The following NDC1 variants were observed in gnomAD, a reference collection of about 807,000 sequenced individuals.
NDC1 encodes the protein NDC1 transmembrane nucleoporin, also known as nucleoporin NDC1.
In NDC1, 24 loss-of-function variants were observed where a neutral mutation model predicts 89.8. The ratio of observed to expected loss-of-function variants is 0.27; its 90% CI spans 0.19 to 0.38. NDC1 has a LOEUF of 0.38. Among genes scored for constraint, NDC1 ranks in the 10% least tolerant of loss-of-function variants. The pLI, the probability that NDC1 is intolerant of heterozygous loss-of-function variation, is 1.00. For missense variants in NDC1, 728 were observed against 797.6 expected, an observed-to-expected ratio of 0.91 and a Z score of 1.05; for synonymous variants, 296 against 284.8, an observed-to-expected ratio of 1.04 and a Z score of -0.39.
intron 2 of NDC1, among the ~76,000 whole-genome samples, chr1:53,834,142 G>C (rs1347230388): frequency 6.6e-6 from 1 of 152,242 alleles, no homozygotes; most frequent in Admixed American, 6.5e-5. Context: ...CCAAGCTTCT[G>C]ATGAGGAAAA....
At chr1:53,776,439 G>T (rs1647164057) in intron 16 of NDC1, among the ~76,000 whole-genome samples, 1 of 152,048 alleles carries the variant, frequency 6.6e-6, no homozygotes, top group South Asian at 2.1e-4. Flanking sequence ...ATGTAAAAAT[G>T]GATATAAAAG....
chr1:53,765,609 T>G lies in NDC1; in HGVS notation c.*2361A>C, dbSNP rs1647059128. 6.6e-6 allele frequency: 1 copy of G among 152,162 alleles called. No individual in the cohort carries two copies. The highest frequency in any genetic ancestry group is 2.4e-5 in the African/African-American group (1 of 41,448). The allele number at this position is 152,162 out of a possible 1,614,324, so 9.4% of individuals were successfully genotyped here. ...TTACCAAGGAACAAATCCTGCAAAGTAACAAATTGTTGCTTATCCATGTCC... is the reference window on the plus strand; with the variant it reads ...TTACCAAGGAACAAATCCTGCAAAGGAACAAATTGTTGCTTATCCATGTCC... On this transcript the variant is annotated 3_prime_UTR_variant, in exon 18 of 18. Transcript: ENST00000371429.
intron 16 of NDC1, among the ~76,000 whole-genome samples, chr1:53,778,001 T>C (rs2100624934): frequency 6.6e-6 from 1 of 151,942 alleles, no homozygotes; most frequent in Non-Finnish European, 1.5e-5. Flanking sequence ...GCCCGGAGAA[T>C]CTTTTTTTTT....
chr1:53,826,392 T>C (rs1648864158), intron 4 of NDC1, among the ~76,000 whole-genome samples: 1 of 152,210 alleles, frequency 6.6e-6, no homozygotes, highest in African/African-American at 2.4e-5. Flanking sequence ...TTAAAGCAGA[T>C]AGAGTCCCAT....
intron 11 of NDC1, among the ~76,000 whole-genome samples, chr1:53,797,910 AG>A (rs1381715685): frequency 2.0e-5 from 3 of 152,128 alleles, no homozygotes; most frequent in Non-Finnish European, 4.4e-5. Flanking sequence ...TATAGGCATG[AG>A]CCACCACACC....
At chr1:53,770,123 A>G (rs1342517958) in intron 17 of NDC1, among the ~76,000 whole-genome samples, 1 of 152,174 alleles carries the variant, frequency 6.6e-6, no homozygotes, top group Admixed American at 6.5e-5. Context: ...TGGCACATAT[A>G]TAAAATATGG....
rs1054897293 is a variant in NDC1, at chr1:53,838,197, G to A, written c.57+8C>T. On this transcript the variant is annotated splice_region_variant and intron_variant, in intron 1 of 17. Coordinates refer to ENST00000371429, the MANE Select transcript of NDC1 (RefSeq NM_018087.5). ...GGCAGTGCGTGCCACAGTGCACGCC[G>A]CACTCACGCGCCACAGTATGTCCCG... The A allele has an allele frequency of 9.6e-5, 147 of 1,533,748 alleles. No homozygotes were observed. The highest frequency in any genetic ancestry group is 1.2e-4 in the Non-Finnish European group (142 of 1,145,568).
intron 10 of NDC1, among the ~76,000 whole-genome samples, chr1:53,801,089 C>T (rs1199057393): frequency 9.8e-6 from 1 of 101,656 alleles, no homozygotes; most frequent in East Asian, 2.9e-4. Flanking sequence ...ACACACATAC[C>T]AAAAAAAAAA....
chr1:53,830,830 C>G (rs1487726957), intron 3 of NDC1, among the ~76,000 whole-genome samples: 1 of 151,820 alleles, frequency 6.6e-6, no homozygotes, highest in Non-Finnish European at 1.5e-5. Flanking sequence ...CCATTGCACT[C>G]CAGCCTGGGC....
At position 53,793,222 on chromosome 1, in the gene NDC1, T is replaced by C. The variant is rs780949474; in HGVS notation, c.1635+7A>G. On this transcript the variant is annotated splice_region_variant and intron_variant, in intron 14 of 17. Transcript: ENST00000371429. ...CCATTCCCAACGCTATAACCACATATTCTTACCTTACTGAAAAAATACATT... is the reference window on the plus strand; with the variant it reads ...CCATTCCCAACGCTATAACCACATACTCTTACCTTACTGAAAAAATACATT... 1 of 1,605,808 alleles carries C rather than the reference T, an allele frequency of 6.2e-7. No individual in the cohort carries two copies. Among genetic ancestry groups the C allele is most frequent in the Middle Eastern group, 1.6e-4 (1 of 6,066 alleles).
chr1:53,772,325 T>G lies in NDC1; in HGVS notation c.1961+4A>C. 3.1e-6 allele frequency: 5 copies of G among 1,613,042 alleles called. No individual in the cohort carries two copies. Among genetic ancestry groups the G allele is most frequent in the Non-Finnish European group, 4.2e-6 (5 of 1,179,244 alleles). On this transcript the variant is annotated splice_donor_region_variant and intron_variant, in intron 17 of 17. Transcript: ENST00000371429. Reference sequence around the variant, plus strand: ...TCATCATGGATCAAAACAGGTAAACTTACTTCAGATGTTCACCAAATGTAG... The same window carrying G: ...TCATCATGGATCAAAACAGGTAAACGTACTTCAGATGTTCACCAAATGTAG...
chr1:53,814,772 T>C (rs1648423262), intron 6 of NDC1, among the ~76,000 whole-genome samples: 1 of 152,032 alleles, frequency 6.6e-6, no homozygotes, highest in Non-Finnish European at 1.5e-5. Flanking sequence ...ACAGGAGATA[T>C]TACAACTGAC....
chr1:53,831,881 GT>G (rs551466368), intron 3 of NDC1, among the ~76,000 whole-genome samples: 5 of 150,266 alleles, frequency 3.3e-5, no homozygotes, highest in East Asian at 3.9e-4. Flanking sequence ...CAAAACATAA[GT>G]TTTTTTTTAA....
intron 9 of NDC1, 92 bp from the exon 10 acceptor site, chr1:53,804,101 A>G: frequency 1.1e-6 from 1 of 881,674 alleles, no homozygotes; most frequent in Non-Finnish European, 1.8e-6. Context: ...ATCCAAGAGG[A>G]AATTAATTAA....
At position 53,773,507 on chromosome 1, in the gene NDC1, TGAGA is replaced by T. The variant is rs1309889046; in HGVS notation, c.1801-1022_1801-1019del. 2.0e-5 allele frequency among the ~76,000 whole-genome samples: 3 copies of T among 152,226 alleles called. No individual in the cohort carries two copies. The South Asian group carries it at 6.2e-4, about 32-fold the overall frequency. The stretch of plus-strand genomic sequence containing the variant: ...CTCCCTTTAGTCTCCAACTTCTGCA[TGAGA>T]GACTTTCCTCAGAAATCTAGTGATC... On this transcript the variant is annotated intron_variant, in intron 16 of 17. Transcript: ENST00000371429.
chr1:53,833,820 T>C (rs1201075914), intron 2 of NDC1, among the ~76,000 whole-genome samples: 2 of 151,980 alleles, frequency 1.3e-5, no homozygotes, highest in African/African-American at 2.4e-5. Context: ...GTACAATTCA[T>C]TGACCTAAAT....
intron 9 of NDC1, among the ~76,000 whole-genome samples, chr1:53,804,742 G>A (rs1648045375): frequency 6.6e-6 from 1 of 151,184 alleles, no homozygotes; most frequent in African/African-American, 2.4e-5. Context: ...CTCCCAAAGT[G>A]CTGGGATTAC....
intron 16 of NDC1, among the ~76,000 whole-genome samples, chr1:53,784,097 C>CT (rs1457354092): frequency 2.6e-5 from 4 of 152,062 alleles, no homozygotes; most frequent in African/African-American, 9.7e-5. Context: ...GCAGTGTGAT[C>CT]TTTATGAAAT....
At chr1:53,787,882 AAC>A (rs1647357491) in intron 15 of NDC1, among the ~76,000 whole-genome samples, 1 of 146,836 alleles carries the variant, frequency 6.8e-6, no homozygotes, top group Admixed American at 6.7e-5. Flanking sequence ...AAAAAAAAAA[AAC>A]ATGTGGTAAG....
Sources: allele counts gnomAD v4.1 joint callset (sites outside exome capture counted in the v4.1 genomes callset), GRCh38; gene constraint gnomAD v4.1.1; transcripts MANE v1.5; gene names NCBI Gene and HGNC (gene_info 2026-07-23, HGNC 2026-07-21).